Variants in CADPS observed in about 807,000 individuals in gnomAD.
CADPS encodes the protein calcium-dependent secretion activator 1.
A neutral mutation model predicts 167.3 loss-of-function variants in CADPS; 57 were observed. The observed-to-expected ratio is 0.34, with a 90% CI of 0.28 to 0.42. The LOEUF (loss-of-function observed/expected upper bound fraction) is 0.42, where lower values mean the gene tolerates loss of function less well. Among genes scored for constraint, CADPS ranks in the 20% least tolerant of loss-of-function variants. CADPS has a pLI of 1.00. For missense variants in CADPS, 1,414 were observed against 1,738.1 expected, an observed-to-expected ratio of 0.81 and a Z score of 3.32; for synonymous variants, 676 against 635.3, an observed-to-expected ratio of 1.06 and a Z score of -0.96.
intron 1 of CADPS, among the ~76,000 whole-genome samples, chr3:62,768,938 G>A (rs1390035415): frequency 2.6e-5 from 4 of 152,066 alleles, no homozygotes; most frequent in Non-Finnish European, 4.4e-5. Context: ...GGACTTCAGC[G>A]GCAGAACTTT....
chr3:62,449,897 A>C (rs1438246650), intron 26 of CADPS, among the ~76,000 whole-genome samples: 1 of 151,440 alleles, frequency 6.6e-6, no homozygotes, highest in Non-Finnish European at 1.5e-5. Context: ...CTAGGTTAAA[A>C]CTCTGGCTTT....
chr3:62,868,852 T>C (rs1197757547), intron 1 of CADPS, among the ~76,000 whole-genome samples: 1 of 152,132 alleles, frequency 6.6e-6, no homozygotes, highest in Non-Finnish European at 1.5e-5. Context: ...AACTCCTATA[T>C]CTGGAGAGGA....
intron 1 of CADPS, among the ~76,000 whole-genome samples, chr3:62,784,340 T>C (rs569198161): frequency 1.4e-4 from 21 of 152,286 alleles, no homozygotes; most frequent in African/African-American, 4.8e-4. Flanking sequence ...TTTTTGTGTG[T>C]GTTTGTGCAT....
At chr3:62,572,138 A>C (rs2081403647) in intron 8 of CADPS, among the ~76,000 whole-genome samples, 1 of 152,184 alleles carries the variant, frequency 6.6e-6, no homozygotes, top group African/African-American at 2.4e-5. Flanking sequence ...ATAATGAAGA[A>C]TGCACCTAAT....
At chr3:62,793,639 C>A (rs138598301) in intron 1 of CADPS, among the ~76,000 whole-genome samples, 1 of 152,270 alleles carries the variant, frequency 6.6e-6, no homozygotes, top group East Asian at 1.9e-4. Context: ...GATGGGCTTA[C>A]TTTTGGAGGG....
At chr3:62,498,225 A>G (rs1411296568) in intron 18 of CADPS, 1 of 456,416 alleles carries the variant, frequency 2.2e-6, no homozygotes, top group African/African-American at 2.0e-5. Flanking sequence ...GCAATCAGGC[A>G]TTAGTCGGGA....
In CADPS at chr3:62,874,314, C is replaced by T. The variant is rs924589851; in HGVS notation, c.441+275G>A. Among the ~76,000 whole-genome samples, 1 of 152,190 alleles carries T rather than the reference C, an allele frequency of 6.6e-6. No individual in the cohort carries two copies. The highest frequency in any genetic ancestry group is 1.5e-5 in the Non-Finnish European group (1 of 68,030). ...CACAAAGCGGGACCTGCCTGCCTCG[C>T]TCACCAACGCTCCCGGGCTGGGGGG... On this transcript the variant is annotated intron_variant, in intron 1 of 29. Coordinates refer to ENST00000383710, the MANE Select transcript of CADPS (RefSeq NM_003716.4). This position sits in a 1 kb window ranked among gnomAD's most constrained non-coding sequence, Gnocchi z 7.1.
At position 62,405,143 on chromosome 3, in the gene CADPS, G is replaced by T. The variant is rs915807696; in HGVS notation, c.3778-1958C>A. On this transcript the variant is annotated intron_variant, in intron 28 of 29. Transcript: ENST00000383710. The stretch of plus-strand genomic sequence containing the variant: ...TGTAGCTGACATGTAATCTGGGGGG[G>T]GGGGGGGCTCAACAGATCTATTTTG... Among the ~76,000 whole-genome samples the T allele has an allele frequency of 1.5e-4, 22 of 150,458 alleles. 1 individual carries two copies. The East Asian group carries it at 2.6e-3, about 18-fold the overall frequency.
intron 1 of CADPS, among the ~76,000 whole-genome samples, chr3:62,831,582 C>T (rs304182): frequency 2.0e-5 from 3 of 152,048 alleles, no homozygotes; most frequent in African/African-American, 7.2e-5. Flanking sequence ...TTCAGTATAA[C>T]GAAACACAGG....
At chr3:62,567,985 T>C (rs1045310157) in intron 9 of CADPS, among the ~76,000 whole-genome samples, 2 of 152,184 alleles carry the variant, frequency 1.3e-5, no homozygotes, top group Non-Finnish European at 2.9e-5. Context: ...GGTAATGGCA[T>C]CCTGATTTTG....
intron 4 of CADPS, among the ~76,000 whole-genome samples, chr3:62,660,857 G>T (rs138256869): frequency 1.3e-5 from 2 of 152,136 alleles, no homozygotes; most frequent in Admixed American, 6.5e-5. Context: ...ACGGAGGCCC[G>T]TTTAAATTTT....
chr3:62,579,194 G>A (rs1372609377), intron 8 of CADPS, among the ~76,000 whole-genome samples: 1 of 152,120 alleles, frequency 6.6e-6, no homozygotes, highest in Non-Finnish European at 1.5e-5. Context: ...CAAGCTTCAG[G>A]TCCTCAGTTA....
intron 26 of CADPS, among the ~76,000 whole-genome samples, chr3:62,453,383 C>G (rs2058310401): frequency 6.6e-6 from 1 of 151,978 alleles, no homozygotes; most frequent in Non-Finnish European, 1.5e-5. Flanking sequence ...ATTTTCAATT[C>G]TAGTGGAGAA....
chr3:62,415,525 A>T (rs1575694776), intron 28 of CADPS, among the ~76,000 whole-genome samples: 1 of 152,118 alleles, frequency 6.6e-6, no homozygotes, highest in Admixed American at 6.5e-5. Context: ...GCAACTCGAC[A>T]TTCAAAAGCT....
At chr3:62,652,656 T>C (rs1319900036) in intron 4 of CADPS, among the ~76,000 whole-genome samples, 1 of 147,770 alleles carries the variant, frequency 6.8e-6, no homozygotes, top group African/African-American at 2.5e-5. Context: ...GAGAAAGAGG[T>C]AGAGACAAAG....
At position 62,514,251 on chromosome 3, in the gene CADPS, C is replaced by G. The variant is rs1361393607; in HGVS notation, c.2582-1483G>C. On this transcript the variant is annotated intron_variant, in intron 16 of 29. Transcript: ENST00000383710. This position sits in a 1 kb window ranked among gnomAD's most constrained non-coding sequence, Gnocchi z 4.2. ...TATCTTTCAGGCTGCAATGTCTCAGCCTATGGTGGACTATGTTCATGAAAG... is the reference window on the plus strand; with the variant it reads ...TATCTTTCAGGCTGCAATGTCTCAGGCTATGGTGGACTATGTTCATGAAAG... 1.3e-5 allele frequency among the ~76,000 whole-genome samples: 2 copies of G among 151,988 alleles called. No homozygotes were observed. The highest frequency in any genetic ancestry group is 2.9e-5 in the Non-Finnish European group (2 of 67,970).
At chr3:62,425,730 A>T (rs1340492374) in intron 28 of CADPS, among the ~76,000 whole-genome samples, 1 of 152,190 alleles carries the variant, frequency 6.6e-6, no homozygotes, top group Non-Finnish European at 1.5e-5. Flanking sequence ...TTTAAAAGTG[A>T]ATAGTGTAAT....
intron 6 of CADPS, among the ~76,000 whole-genome samples, chr3:62,642,866 G>A (rs2067707351): frequency 6.6e-6 from 1 of 152,022 alleles, no homozygotes; most frequent in East Asian, 1.9e-4. Flanking sequence ...AGCTGTGATT[G>A]CACCACTGTA....
chr3:62,424,351 C>T (rs1351448439), intron 28 of CADPS, among the ~76,000 whole-genome samples: 1 of 152,090 alleles, frequency 6.6e-6, no homozygotes, highest in African/African-American at 2.4e-5. Context: ...TCCCAGCTAA[C>T]TTTTTGTATT....
Sources: gnomAD v4.1 joint callset for allele counts (sites outside exome capture counted in the v4.1 genomes callset) on GRCh38, gnomAD v4.1.1 for gene constraint, Gnocchi (gnomAD v3.1) non-coding constraint, MANE v1.5 for transcripts, NCBI Gene and HGNC (gene_info 2026-07-23, HGNC 2026-07-21) for gene names.